Variants in ANKRD45 observed in about 807,000 individuals in gnomAD.
The protein encoded by ANKRD45 is ankyrin repeat domain 45.
Under a neutral mutation model 28.1 loss-of-function variants are expected in ANKRD45, and 21 were observed. The ratio of observed to expected loss-of-function variants is 0.75; its 90% confidence interval spans 0.53 to 1.08. ANKRD45 has a LOEUF of 1.08. Among genes scored for constraint, ANKRD45 ranks in the 50% least tolerant of loss-of-function variants. The pLI, the probability that ANKRD45 is intolerant of heterozygous loss-of-function variation, is 0.00. For missense variants in ANKRD45, 261 were observed against 308.7 expected (o/e 0.85, Z 1.16); for synonymous variants, 86 against 103.9 (o/e 0.83, Z 1.05).
chr1:173,627,213 C>A, intron 3 of ANKRD45, 54 bp from the exon 4 acceptor site: 1 of 1,213,862 alleles, frequency 8.2e-7, no homozygotes, highest in South Asian at 1.3e-5. Flanking sequence ...AGAGGCAAAG[C>A]AAGATAGTCA....
the ANKRD45 span, among the ~76,000 whole-genome samples, chr1:173,686,449 C>T: frequency 6.6e-6 from 1 of 152,072 alleles, no homozygotes; most frequent in Non-Finnish European, 1.5e-5. Context: ...GAACAGCAGT[C>T]TTGGTGGTTA....
chr1:173,690,067 C>CT, the ANKRD45 span, among the ~76,000 whole-genome samples: 1 of 101,844 alleles, frequency 9.8e-6, no homozygotes, highest in Non-Finnish European at 2.3e-5. Flanking sequence ...CCCCCGCCCC[C>CT]CCCCCCCCCG....
intron 2 of ANKRD45, among the ~76,000 whole-genome samples, chr1:173,650,818 G>A (rs1184221594): frequency 6.6e-6 from 1 of 152,058 alleles, no homozygotes; most frequent in African/African-American, 2.4e-5. Flanking sequence ...TCTCATTGTG[G>A]GTTTGATTTG....
At chr1:173,624,763 A>G in intron 5 of ANKRD45, 24 bp downstream of exon 5, 1 of 1,600,526 alleles carries the variant, frequency 6.2e-7, no homozygotes, top group Non-Finnish European at 8.5e-7. Context: ...CTGACATTCA[A>G]ACCACCTTTT....
intron 2 of ANKRD45, chr1:173,658,824 A>G (rs761259840): frequency 2.1e-4 from 65 of 309,370 alleles, no homozygotes; most frequent in Non-Finnish European, 3.5e-4. Flanking sequence ...CATTTTGCAG[A>G]TGGAAAAACA....
At chr1:173,675,039 G>A in the ANKRD45 span, among the ~76,000 whole-genome samples, 2 of 152,040 alleles carry the variant, frequency 1.3e-5, no homozygotes, top group African/African-American at 4.8e-5. Flanking sequence ...ATAAGGGAAG[G>A]AAGGAGGAAA....
chr1:173,664,957 AC>A (rs1189812655), intron 1 of ANKRD45, among the ~76,000 whole-genome samples: 2 of 152,016 alleles, frequency 1.3e-5, no homozygotes, highest in East Asian at 1.9e-4. Flanking sequence ...CAATTTACAT[AC>A]TCTTTTGTAG....
the ANKRD45 span, among the ~76,000 whole-genome samples, chr1:173,701,631 G>T: frequency 1.3e-5 from 2 of 152,122 alleles, no homozygotes; most frequent in East Asian, 3.8e-4. Context: ...AGAACACCTG[G>T]ACACAGGGCA....
intron 5 of ANKRD45, among the ~76,000 whole-genome samples, chr1:173,619,720 C>T (rs755452212): frequency 6.0e-5 from 9 of 151,024 alleles, no homozygotes; most frequent in Admixed American, 3.3e-4. Context: ...CCCAGCCACT[C>T]GGGAGGGGGA....
chr1:173,628,794 T>C (rs949318906), intron 3 of ANKRD45, among the ~76,000 whole-genome samples: 1 of 152,022 alleles, frequency 6.6e-6, no homozygotes, highest in Non-Finnish European at 1.5e-5. Flanking sequence ...ATATAAGCAA[T>C]AACTAGGCAG....
At chr1:173,618,280 G>T (rs961005901) in intron 5 of ANKRD45, among the ~76,000 whole-genome samples, 1 of 152,202 alleles carries the variant, frequency 6.6e-6, no homozygotes, top group African/African-American at 2.4e-5. Flanking sequence ...CAAGGGCACA[G>T]AACTGAGGCC....
the ANKRD45 span, among the ~76,000 whole-genome samples, chr1:173,711,358 A>C: frequency 6.6e-6 from 1 of 152,240 alleles, no homozygotes; most frequent in African/African-American, 2.4e-5. Context: ...GGAGACATGA[A>C]ACATCAATCA....
chr1:173,646,808 C>T (rs1668953592), intron 3 of ANKRD45, 38 bp downstream of exon 3: 1 of 1,596,144 alleles, frequency 6.3e-7, no homozygotes, highest in African/African-American at 1.3e-5. Flanking sequence ...AAACTCATCA[C>T]ATCAGTCAGT....
chr1:173,651,569 G>T (rs1023153035), intron 2 of ANKRD45, among the ~76,000 whole-genome samples: 1 of 152,078 alleles, frequency 6.6e-6, no homozygotes, highest in Non-Finnish European at 1.5e-5. Context: ...GATTGTCTTG[G>T]CAATGCAGGG....
the ANKRD45 span, among the ~76,000 whole-genome samples, chr1:173,705,666 TA>T: frequency 7.9e-5 from 12 of 151,610 alleles, no homozygotes; most frequent in Non-Finnish European, 1.8e-4. Flanking sequence ...GACTCTGTGT[TA>T]AAAAAAATTA....
At chr1:173,692,715 A>G in the ANKRD45 span, among the ~76,000 whole-genome samples, 2 of 152,216 alleles carry the variant, frequency 1.3e-5, no homozygotes, top group African/African-American at 2.4e-5. Flanking sequence ...CATTACCACT[A>G]TATCTGAGTG....
chr1:173,693,397 C>T, the ANKRD45 span, among the ~76,000 whole-genome samples: 1 of 152,232 alleles, frequency 6.6e-6, no homozygotes, highest in African/African-American at 2.4e-5. Flanking sequence ...CATCTATCTC[C>T]CTATTCATCC....
chr1:173,711,565 A>G, the ANKRD45 span, among the ~76,000 whole-genome samples: 1 of 152,188 alleles, frequency 6.6e-6, no homozygotes, highest in South Asian at 2.1e-4. Context: ...ATGGGAGGCA[A>G]GTTTGCCCTA....
chr1:173,629,754 T>C (rs1311162186), intron 3 of ANKRD45, among the ~76,000 whole-genome samples: 1 of 151,966 alleles, frequency 6.6e-6, no homozygotes, highest in Admixed American at 6.6e-5. Flanking sequence ...AAAGGAATAA[T>C]ATTAATTAAA....
Sources: allele counts gnomAD v4.1 joint callset (sites outside exome capture counted in the v4.1 genomes callset), GRCh38; gene constraint gnomAD v4.1.1; transcripts MANE v1.5; gene names NCBI Gene and HGNC (gene_info 2026-07-23, HGNC 2026-07-21).